Variants in CPEB4 observed in about 807,000 individuals in gnomAD.
CPEB4 encodes cytoplasmic polyadenylation element-binding protein 4.
CPEB4 carries 12 observed loss-of-function variants against 72.5 expected under a neutral mutation model. That is an observed-to-expected ratio of 0.17 (90% CI 0.11 to 0.27). CPEB4 has a LOEUF of 0.27. Among genes scored for constraint, CPEB4 ranks in the 10% least tolerant of loss-of-function variants. The pLI is 1.00. For synonymous variants in CPEB4, 302 were observed against 326.3 expected, an observed-to-expected ratio of 0.93 and a Z score of 0.80; for missense variants, 614 against 908.5, an observed-to-expected ratio of 0.68 and a Z score of 4.17.
At chr5:173,931,399 A>G (rs915693568) in intron 2 of CPEB4, among the ~76,000 whole-genome samples, 11 of 152,198 alleles carry the variant, frequency 7.2e-5, no homozygotes, top group African/African-American at 1.4e-4. Flanking sequence ...TGTTTCCTAA[A>G]GGAATGTTTG....
At chr5:173,922,473 C>T (rs1350231455) in intron 2 of CPEB4, among the ~76,000 whole-genome samples, 1 of 152,194 alleles carries the variant, frequency 6.6e-6, no homozygotes. Flanking sequence ...TCAAGCAATT[C>T]ACCTGCCTTG....
intron 3 of CPEB4, among the ~76,000 whole-genome samples, chr5:173,941,261 T>C (rs1319968492): frequency 6.6e-6 from 1 of 152,218 alleles, no homozygotes; most frequent in East Asian, 1.9e-4. Flanking sequence ...TTTGTGATGC[T>C]ATTTGTCTTT....
rs1470739896 is a variant in CPEB4 at position 173,890,378 on chromosome 5, C to T, written c.645C>T (p.Ser215=). The T allele has an allele frequency of 2.5e-6, 4 of 1,614,040 alleles. No homozygotes were observed. In the African/African-American group the frequency reaches 4.0e-5, roughly 16 times the overall value. ...LLFQNFPHHV[S]PGFGGSFSPQ... is the part of the protein sequence containing the mutation. ...TTCAAAATTTCCCCCATCATGTCAG[C>T]CCTGGCTTTGGAGGCAGCTTCTCTC... Residue 215 remains serine (S), a synonymous_variant, in exon 1 of 10, where the codon AGC becomes AGT. Coordinates refer to ENST00000265085, the MANE Select transcript of CPEB4 (RefSeq NM_030627.4).
Position 173,890,614 on chromosome 5 carries a change from C to T in CPEB4, c.881C>T (p.Thr294Ile). ...PWSSYQSPSP[T>I]PSSSWSPGGG... ...AGCAGCTACCAGAGTCCGTCACCAACACCCTCCTCTTCCTGGAGCCCGGGC... is the reference window on the plus strand; with the variant it reads ...AGCAGCTACCAGAGTCCGTCACCAATACCCTCCTCTTCCTGGAGCCCGGGC... The change falls in exon 1 of 10, where the codon ACA (threonine) becomes ATA (isoleucine). Residue 294 changes from threonine (T) to isoleucine (I), a missense_variant. Thr to Ile is a moderately conservative substitution (Grantham distance 89). This residue lies in a region of CPEB4 where 458 missense variants were observed against 548.6 expected (regional missense o/e 0.83). Transcript: ENST00000265085. The T allele has an allele frequency of 6.2e-7, 1 of 1,614,020 alleles. No homozygotes were observed. Among genetic ancestry groups the T allele is most frequent in the Non-Finnish European group, 8.5e-7 (1 of 1,179,938 alleles).
intron 2 of CPEB4, among the ~76,000 whole-genome samples, chr5:173,914,740 AAG>A (rs1002379604): frequency 1.3e-5 from 2 of 152,194 alleles, no homozygotes; most frequent in Non-Finnish European, 2.9e-5. Flanking sequence ...TGGGCAACAG[AAG>A]AGAGAGACTC....
intron 3 of CPEB4, 135 bp downstream of exon 3, chr5:173,932,635 G>A: frequency 1.6e-6 from 1 of 610,970 alleles, no homozygotes; most frequent in Non-Finnish European, 2.7e-6. Context: ...GCTATTTTAA[G>A]AATGATTCTT....
rs570389048 is a variant in CPEB4 at position 173,900,467 on chromosome 5, C to T, written c.1125+9609C>T. On this transcript the variant is annotated intron_variant, in intron 1 of 9. Coordinates refer to ENST00000265085, the MANE Select transcript of CPEB4 (RefSeq NM_030627.4). The surrounding 1 kb of genome is among the most constrained non-coding windows in gnomAD (Gnocchi z 4.4). The stretch of plus-strand genomic sequence containing the variant: ...CTCCCTGCTGACGCCGGACCCTGCT[C>T]AGACCTAGCAGACATGGAGAACAGG... 6.6e-6 allele frequency among the ~76,000 whole-genome samples: 1 copy of T among 152,140 alleles called. No homozygotes were observed. Among genetic ancestry groups the T allele is most frequent in the South Asian group, 2.1e-4 (1 of 4,818 alleles).
At chr5:173,936,430 AC>A (rs1237564606) in intron 3 of CPEB4, among the ~76,000 whole-genome samples, 1 of 152,152 alleles carries the variant, frequency 6.6e-6, no homozygotes, top group Non-Finnish European at 1.5e-5. Context: ...CTTTTTAAAG[AC>A]CCTGTCTCCA....
intron 2 of CPEB4, among the ~76,000 whole-genome samples, chr5:173,929,690 C>T (rs1045049083): frequency 6.6e-6 from 1 of 151,922 alleles, no homozygotes; most frequent in South Asian, 2.1e-4. Flanking sequence ...AGAGTGAGAC[C>T]CTGTCTCAAA....
At chr5:173,911,864 C>T (rs868239407) in intron 2 of CPEB4, among the ~76,000 whole-genome samples, 4 of 152,020 alleles carry the variant, frequency 2.6e-5, no homozygotes, top group East Asian at 1.9e-4. Flanking sequence ...GACAAGGCAG[C>T]CTGTTGTTTC....
intron 3 of CPEB4, among the ~76,000 whole-genome samples, chr5:173,932,944 C>T (rs1008903494): frequency 6.6e-6 from 1 of 152,164 alleles, no homozygotes; most frequent in Non-Finnish European, 1.5e-5. Flanking sequence ...TGCTGTCTAA[C>T]AAAAACAAGA....
chr5:173,898,336 A>G (rs1235427266), intron 1 of CPEB4, among the ~76,000 whole-genome samples: 1 of 152,196 alleles, frequency 6.6e-6, no homozygotes, highest in Non-Finnish European at 1.5e-5. Flanking sequence ...ATAAAAATAT[A>G]AGAACGTGAC....
chr5:173,897,571 C>T (rs1324511500), intron 1 of CPEB4, among the ~76,000 whole-genome samples: 1 of 152,116 alleles, frequency 6.6e-6, no homozygotes, highest in African/African-American at 2.4e-5. Context: ...TAAGACTGAA[C>T]ATGCATTTTT....
At chr5:173,903,724 A>G (rs1756322529) in intron 1 of CPEB4, among the ~76,000 whole-genome samples, 1 of 152,234 alleles carries the variant, frequency 6.6e-6, no homozygotes, top group African/African-American at 2.4e-5. Flanking sequence ...ACAGACCAGC[A>G]GGTTCACGTG....
At chr5:173,920,630 C>T (rs888583621) in intron 2 of CPEB4, among the ~76,000 whole-genome samples, 1 of 152,186 alleles carries the variant, frequency 6.6e-6, no homozygotes, top group South Asian at 2.1e-4. Context: ...GGTCACTTCT[C>T]TCTAGACCTC....
rs1554091447 is a variant in CPEB4, at chr5:173,893,036, T to TGA, written c.1125+2196_1125+2197dup. ...GTGTGTGTGTGTGTGTGTGTGTGTG[T>TGA]GAGAGAGAGAGAGAGAGAGCACACG... On this transcript the variant is annotated intron_variant, in intron 1 of 9. Coordinates refer to ENST00000265085, the MANE Select transcript of CPEB4 (RefSeq NM_030627.4). The TGA allele has an allele frequency of 0.017, 1,727 of 100,876 alleles. 83 individuals carry two copies. The East Asian group carries it at 0.19, about 11-fold the overall frequency. The allele number at this position is 100,876 out of a possible 1,614,324, so 6.2% of individuals were successfully genotyped here.
At chr5:173,921,401 A>G (rs574922927) in intron 2 of CPEB4, among the ~76,000 whole-genome samples, 16 of 152,354 alleles carry the variant, frequency 1.1e-4, no homozygotes, top group Non-Finnish European at 2.2e-4. Flanking sequence ...AAAAAAGAAC[A>G]TAACATAAAA....
intron 5 of CPEB4, among the ~76,000 whole-genome samples, chr5:173,946,291 T>C (rs556432020): frequency 6.6e-6 from 1 of 152,326 alleles, no homozygotes; most frequent in Admixed American, 6.5e-5. Flanking sequence ...TCAGCATAGC[T>C]TGAAGAATAT....
At chr5:173,947,825 T>A (rs1389185304) in intron 5 of CPEB4, among the ~76,000 whole-genome samples, 1 of 152,088 alleles carries the variant, frequency 6.6e-6, no homozygotes, top group African/African-American at 2.4e-5. Context: ...CTAAATACCT[T>A]TTGCCACTAA....
Sources: allele counts gnomAD v4.1 joint callset (sites outside exome capture counted in the v4.1 genomes callset), GRCh38; gene constraint gnomAD v4.1.1; regional missense constraint gnomAD v4.1.1; non-coding constraint Gnocchi (gnomAD v3.1); transcripts MANE v1.5; gene names NCBI Gene and HGNC (gene_info 2026-07-23, HGNC 2026-07-21).